MID2: variants seen among roughly 807,000 people sequenced by gnomAD.
MID2 encodes probable E3 ubiquitin-protein ligase MID2.
A neutral mutation model predicts 46.1 loss-of-function variants in MID2; 13 were observed. The ratio of observed to expected loss-of-function variants is 0.28; its 90% CI spans 0.18 to 0.45. The LOEUF is 0.45. Among genes scored for constraint, MID2 ranks in the 20% least tolerant of loss-of-function variants. The probability of loss-of-function intolerance (pLI) is 1.00; values close to 1 mark genes in which losing one functional copy is unlikely to be tolerated. For synonymous variants in MID2, 199 were observed against 212.3 expected (o/e 0.94, Z 0.55); for missense variants, 431 against 575.4 (o/e 0.75, Z 2.57).
intron 3 of MID2, among the ~76,000 whole-genome samples, chrX:107,880,446 G>A (rs1455789401): frequency 9.0e-6 from 1 of 111,215 alleles, no homozygotes; most frequent in Non-Finnish European, 1.9e-5. Flanking sequence ...GGTAGTTTGG[G>A]GGAAGGGGTG....
At chrX:107,885,937 TTCATA>T (rs2147851803) in intron 3 of MID2, among the ~76,000 whole-genome samples, 1 of 112,140 alleles carries the variant, frequency 8.9e-6, no homozygotes, top group Non-Finnish European at 1.9e-5. Context: ...GAAGTGTCTG[TTCATA>T]TCCTTTGCCC....
At chrX:107,892,980 T>C (rs1429877461) in intron 3 of MID2, among the ~76,000 whole-genome samples, 1 of 112,879 alleles carries the variant, frequency 8.9e-6, no homozygotes, top group Non-Finnish European at 1.9e-5. Flanking sequence ...ATCTCGTGTA[T>C]TGCTAAGTGC....
At chrX:107,911,150 G>A (rs1932892196) in intron 5 of MID2, among the ~76,000 whole-genome samples, 1 of 110,003 alleles carries the variant, frequency 9.1e-6, no homozygotes, top group Non-Finnish European at 1.9e-5. Flanking sequence ...CACCGTGTCT[G>A]GCGCGTTGTG....
chrX:107,880,644 CTG>C (rs1239670585), intron 3 of MID2, among the ~76,000 whole-genome samples: 9 of 112,257 alleles, frequency 8.0e-5, no homozygotes, highest in Non-Finnish European at 3.8e-5. Context: ...GCAGGAGTAA[CTG>C]GGGAAATTGC....
At chrX:107,924,192 C>T in intron 7 of MID2, 151 bp from the exon 8 acceptor site, 1 of 520,058 alleles carries the variant, frequency 1.9e-6, no homozygotes, top group Admixed American at 3.8e-5. Flanking sequence ...GAATCATAAG[C>T]CCTGGTTCAT....
At chrX:107,825,828 C>T (rs1018528294), upstream of MID2, 5 of 224,616 alleles carry the variant, frequency 2.2e-5, no homozygotes, top group Non-Finnish European at 4.0e-5. Flanking sequence ...CCGAGCCCCA[C>T]CCACCGGCTG....
chrX:107,920,358 T>C (rs1289491253), intron 7 of MID2, among the ~76,000 whole-genome samples: 1 of 112,400 alleles, frequency 8.9e-6, no homozygotes, highest in African/African-American at 3.2e-5. Flanking sequence ...ACCAATGATG[T>C]TTCAGATTAT....
At chrX:107,858,652 T>C (rs1198095042) in intron 3 of MID2, among the ~76,000 whole-genome samples, 1 of 112,451 alleles carries the variant, frequency 8.9e-6, no homozygotes, top group Non-Finnish European at 1.9e-5. Flanking sequence ...AAACAGTATA[T>C]AGTGAGAAAG....
intron 3 of MID2, among the ~76,000 whole-genome samples, chrX:107,899,142 A>G (rs1206370725): frequency 2.8e-5 from 3 of 108,123 alleles, no homozygotes; most frequent in Admixed American, 2.0e-4. Context: ...TAAAATAACT[A>G]TAGAATGAGC....
In MID2 at chrX:107,926,851, C is replaced by T; in HGVS notation, c.1986C>T (p.Asn662=). 8.3e-7 allele frequency: 1 copy of T among 1,210,966 alleles called. No individual in the cohort carries two copies. Among genetic ancestry groups the T allele is most frequent in the Non-Finnish European group, 1.1e-6 (1 of 894,756 alleles). ...TGGGTGTCCTCCTGGATTATGACAA[C>T]AATATGCTGTCTTTCTATGACCCAG... ...KRLGVLLDYD[N]NMLSFYDPAN... Residue 662 remains asparagine (N), a synonymous_variant, in exon 10 of 10, where the codon AAC becomes AAT. Transcript: ENST00000262843.
Position 107,840,686 on chromosome X carries a change from C to T in MID2, c.21C>T (p.Ser7=), listed in dbSNP as rs369737087. The T allele has an allele frequency of 8.3e-6, 10 of 1,207,372 alleles. No homozygotes were observed. Among genetic ancestry groups the T allele is most frequent in the South Asian group, 5.3e-5 (3 of 56,521 alleles). The part of the protein sequence containing the change: MGESPA[S]VVLNASGGLF... ...TCCTTGCAGGTGAAAGCCCAGCCTC[C>T]GTGGTTCTTAATGCCTCAGGAGGAC... The change falls in exon 2 of 10, where the codon TCC becomes TCT. Residue 7 remains serine (S), a synonymous_variant. Transcript: ENST00000262843.
At chrX:107,885,102 C>CTTATTTATTTATTTATTTAT (rs758914133) in intron 3 of MID2, among the ~76,000 whole-genome samples, 1 of 105,448 alleles carries the variant, frequency 9.5e-6, no homozygotes, top group African/African-American at 3.6e-5. Flanking sequence ...AGGAGAATCT[C>CTTATTTATTTATTTATTTAT]TTATTTATTT....
chrX:107,877,113 G>A (rs192145169), intron 3 of MID2, among the ~76,000 whole-genome samples: 180 of 112,008 alleles, frequency 1.6e-3, no homozygotes, highest in African/African-American at 5.4e-3. Flanking sequence ...ATGGCAAACC[G>A]GAGGGCTGAA....
intron 3 of MID2, among the ~76,000 whole-genome samples, chrX:107,867,534 G>T (rs765107055): frequency 7.5e-4 from 83 of 111,276 alleles, no homozygotes; most frequent in Non-Finnish European, 1.4e-3. Flanking sequence ...TAAATGATTG[G>T]AGACAGAGGG....
rs182136911 is a variant in MID2, at chrX:107,903,948, T to G, written c.817-10T>G. ...CAATCACTGTGTAATACTCTGAAAT[T>G]TCTTGGCAGGTGAATACTGCTATGC... is the stretch of plus-strand genomic sequence containing the variant. On this transcript the variant is annotated splice_polypyrimidine_tract_variant and intron_variant, in intron 3 of 9. Coordinates refer to ENST00000262843, the MANE Select transcript of MID2 (RefSeq NM_012216.4). The G allele has an allele frequency of 3.8e-4, 442 of 1,164,788 alleles. 1 individual carries two copies. The highest frequency in any genetic ancestry group is 4.7e-4 in the Non-Finnish European group (405 of 854,054).
chrX:107,835,848 A>C (rs1438068971), intron 1 of MID2, among the ~76,000 whole-genome samples: 1 of 111,915 alleles, frequency 8.9e-6, no homozygotes, highest in Non-Finnish European at 1.9e-5. Flanking sequence ...GCAGCACTCA[A>C]ATTTTAAATT....
intron 3 of MID2, among the ~76,000 whole-genome samples, chrX:107,860,536 A>G (rs1931832103): frequency 1.8e-5 from 2 of 112,108 alleles, no homozygotes; most frequent in Non-Finnish European, 3.8e-5. Flanking sequence ...GCCTGTGACA[A>G]ATCTCCAGCC....
intron 5 of MID2, among the ~76,000 whole-genome samples, chrX:107,907,829 C>T (rs975596218): frequency 2.7e-5 from 3 of 112,073 alleles, no homozygotes; most frequent in African/African-American, 9.7e-5. Flanking sequence ...AGTCATATTG[C>T]AAGAAATAGC....
At chrX:107,891,567 C>T (rs984365274) in intron 3 of MID2, among the ~76,000 whole-genome samples, 1 of 112,163 alleles carries the variant, frequency 8.9e-6, no homozygotes. Flanking sequence ...GTGTGAACCA[C>T]TGCGCCCAGC....
Sources: allele counts gnomAD v4.1 joint callset (sites outside exome capture counted in the v4.1 genomes callset), GRCh38; gene constraint gnomAD v4.1.1; transcripts MANE v1.5; gene names NCBI Gene and HGNC (gene_info 2026-07-23, HGNC 2026-07-21).